Variants in CTNNA3 observed in about 807,000 individuals in gnomAD.
CTNNA3 encodes the protein catenin alpha-3.
In CTNNA3, 76 loss-of-function variants were observed where a neutral mutation model predicts 95.7. The ratio of observed to expected loss-of-function variants is 0.79; its 90% CI spans 0.66 to 0.96. The LOEUF (loss-of-function observed/expected upper bound fraction) is 0.96, where lower values mean the gene tolerates loss of function less well. CTNNA3 is among the 40% of genes least tolerant of loss of function. The pLI, the probability that CTNNA3 is intolerant of heterozygous loss-of-function variation, is 0.00. For missense variants in CTNNA3, 1,191 were observed against 1,089.8 expected, an observed-to-expected ratio of 1.09 and a Z score of -1.31; for synonymous variants, 431 against 374.4, an observed-to-expected ratio of 1.15 and a Z score of -1.74.
At chr10:67,062,196 CACAG>C (rs1439626619) in intron 7 of CTNNA3, among the ~76,000 whole-genome samples, 1 of 110,298 alleles carries the variant, frequency 9.1e-6, no homozygotes, top group Non-Finnish European at 1.9e-5. Context: ...CGTTAAAACC[CACAG>C]AGAGTAAATT....
At chr10:66,550,603 T>C (rs544621522) in intron 10 of CTNNA3, among the ~76,000 whole-genome samples, 2 of 152,332 alleles carry the variant, frequency 1.3e-5, no homozygotes, top group Admixed American at 6.5e-5. Flanking sequence ...AAGAGAAAGT[T>C]TGCCAACTGC....
chr10:67,746,663 G>A (rs748359849), intron 1 of CTNNA3, among the ~76,000 whole-genome samples: 5 of 152,108 alleles, frequency 3.3e-5, no homozygotes, highest in East Asian at 3.9e-4. Context: ...GGGAAACCAC[G>A]CTTTTTCCAT....
At chr10:67,198,866 T>C (rs1447710818) in intron 6 of CTNNA3, among the ~76,000 whole-genome samples, 2 of 152,202 alleles carry the variant, frequency 1.3e-5, no homozygotes, top group African/African-American at 4.8e-5. Context: ...TGCTTTGATA[T>C]TTATAGTCTT....
intron 7 of CTNNA3, among the ~76,000 whole-genome samples, chr10:66,952,684 A>G (rs1381707564): frequency 6.6e-6 from 1 of 151,872 alleles, no homozygotes; most frequent in East Asian, 1.9e-4. Flanking sequence ...CTCTCTGAAA[A>G]TCCATTTTCC....
At chr10:67,206,736 T>C (rs1863917892) in intron 6 of CTNNA3, among the ~76,000 whole-genome samples, 1 of 151,872 alleles carries the variant, frequency 6.6e-6, no homozygotes, top group Middle Eastern at 3.4e-3. Flanking sequence ...TTCTAGAATC[T>C]AGATTCTAGA....
At chr10:67,144,270 T>G (rs895978460) in intron 7 of CTNNA3, among the ~76,000 whole-genome samples, 2 of 152,128 alleles carry the variant, frequency 1.3e-5, no homozygotes, top group African/African-American at 4.8e-5. Flanking sequence ...TAGAGGACAG[T>G]GTGGGTTTAG....
intron 12 of CTNNA3, among the ~76,000 whole-genome samples, chr10:66,306,755 TA>T (rs2091940195): frequency 6.6e-6 from 1 of 152,140 alleles, no homozygotes; most frequent in African/African-American, 2.4e-5. Flanking sequence ...TTCAAAGGAT[TA>T]TAGTGGAGTT....
At chr10:66,536,641 G>A (rs1202849948) in intron 10 of CTNNA3, among the ~76,000 whole-genome samples, 3 of 151,926 alleles carry the variant, frequency 2.0e-5, no homozygotes, top group Non-Finnish European at 2.9e-5. Context: ...AGAAATAGGG[G>A]TTCCTAAATT....
chr10:66,055,723 A>G (rs1219796075), intron 15 of CTNNA3, among the ~76,000 whole-genome samples: 2 of 152,058 alleles, frequency 1.3e-5, no homozygotes, highest in Non-Finnish European at 2.9e-5. Flanking sequence ...GGAGTTTGAG[A>G]CCAGCCTGAC....
chr10:67,576,628 T>C (rs1842157887), intron 3 of CTNNA3, among the ~76,000 whole-genome samples: 1 of 147,560 alleles, frequency 6.8e-6, no homozygotes, highest in Non-Finnish European at 1.5e-5. Flanking sequence ...TATGTATACA[T>C]GTGCCATGCT....
Position 66,927,637 on chromosome 10 carries a change from A to C in CTNNA3, c.1048-152113T>G, listed in dbSNP as rs1847149566. 1 of 1,614,184 alleles carries C rather than the reference A, an allele frequency of 6.2e-7. No individual in the cohort carries two copies. The highest frequency in any genetic ancestry group is 1.1e-5 in the South Asian group (1 of 91,086). ...GAACCTTTACTTGCAGTGGAATAAA[A>C]TCAGTGTCATAGGACAGACCATGTC... On this transcript the variant is annotated intron_variant, in intron 7 of 17. Coordinates refer to ENST00000433211, the MANE Select transcript of CTNNA3 (RefSeq NM_013266.4). The surrounding 1 kb of genome is among the most constrained non-coding windows in gnomAD (Gnocchi z 4.7).
chr10:67,524,376 C>T (rs1840075785), intron 4 of CTNNA3, among the ~76,000 whole-genome samples: 1 of 126,256 alleles, frequency 7.9e-6, no homozygotes, highest in Admixed American at 9.9e-5. Flanking sequence ...CCAGCCTGGG[C>T]GACAGCGAGA....
intron 12 of CTNNA3, among the ~76,000 whole-genome samples, chr10:66,332,588 T>C (rs1286894709): frequency 6.6e-6 from 1 of 152,058 alleles, no homozygotes; most frequent in Non-Finnish European, 1.5e-5. Flanking sequence ...CACTTGATCA[T>C]GGTGGATAAG....
At chr10:66,398,892 A>G (rs1345638999) in intron 11 of CTNNA3, among the ~76,000 whole-genome samples, 1 of 152,014 alleles carries the variant, frequency 6.6e-6, no homozygotes, top group Non-Finnish European at 1.5e-5. Flanking sequence ...CCTTGCCTGG[A>G]AGGCCATTCC....
At chr10:66,714,980 A>G (rs1848407754) in intron 9 of CTNNA3, among the ~76,000 whole-genome samples, 1 of 152,044 alleles carries the variant, frequency 6.6e-6, no homozygotes, top group Non-Finnish European at 1.5e-5. Flanking sequence ...TTTTAGTCAT[A>G]TAAATGTTTT....
At chr10:66,885,845 A>G (rs1845022973) in intron 7 of CTNNA3, among the ~76,000 whole-genome samples, 1 of 152,166 alleles carries the variant, frequency 6.6e-6, no homozygotes, top group East Asian at 1.9e-4. Flanking sequence ...TAATGCTATA[A>G]AAGGCCTTTG....
In CTNNA3 at chr10:67,446,722, T is replaced by C. The variant is rs1044552690; in HGVS notation, c.579+75120A>G. Among the ~76,000 whole-genome samples the C allele has an allele frequency of 3.9e-5, 6 of 152,186 alleles. 1 individual carries two copies. Among genetic ancestry groups the C allele is most frequent in the South Asian group, 4.1e-4 (2 of 4,832 alleles). ...AACCTTGGAGCCATCTCTTTGAATA[T>C]AGACATCAAGGGAGATAGGAGCCCT... On this transcript the variant is annotated intron_variant, in intron 5 of 17. Coordinates refer to ENST00000433211, the MANE Select transcript of CTNNA3 (RefSeq NM_013266.4).
At chr10:67,290,521 G>C (rs375093953) in intron 5 of CTNNA3, among the ~76,000 whole-genome samples, 1 of 152,094 alleles carries the variant, frequency 6.6e-6, no homozygotes, top group Non-Finnish European at 1.5e-5. Flanking sequence ...TATGTGCCAG[G>C]ATGTGTTCTA....
chr10:66,172,231 G>T (rs1033240982), intron 13 of CTNNA3, among the ~76,000 whole-genome samples: 1 of 152,090 alleles, frequency 6.6e-6, no homozygotes, highest in Non-Finnish European at 1.5e-5. Context: ...AATTGTGAAA[G>T]ATATGATTAA....
Sources: gnomAD v4.1 joint callset for allele counts (sites outside exome capture counted in the v4.1 genomes callset) on GRCh38, gnomAD v4.1.1 for gene constraint, Gnocchi (gnomAD v3.1) non-coding constraint, MANE v1.5 for transcripts, NCBI Gene and HGNC (gene_info 2026-07-23, HGNC 2026-07-21) for gene names.